The following EPB42 variants were observed in gnomAD, a reference collection of about 807,000 sequenced individuals.
EPB42 encodes erythrocyte membrane protein band 4.2, also known as protein 4.2.
EPB42 carries 49 observed loss-of-function variants against 76.9 expected under a neutral mutation model. The observed-to-expected ratio is 0.64, with a 90% CI of 0.51 to 0.81. The LOEUF is 0.81. EPB42 is among the 30% of genes least tolerant of loss of function. The pLI is 0.00. For synonymous variants in EPB42, 310 were observed against 338.4 expected (o/e 0.92, Z 0.92); for missense variants, 731 against 867.6 (o/e 0.84, Z 1.98).
In EPB42 at chr15:43,197,372, T is replaced by C. The variant is rs2042054417; in HGVS notation, c.2006A>G (p.Asp669Gly). 1.2e-6 allele frequency: 2 copies of C among 1,614,196 alleles called. No individual in the cohort carries two copies. The highest frequency in any genetic ancestry group is 8.5e-7 in the Non-Finnish European group (1 of 1,180,038). ...GGTTAGGTTCTGGAACATGTTGCAG[T>C]CCACTTCCACAGTGAGTCTCTGGAG... ...VGLQRLTVEV[D>G]CNMFQNLTNY... The change falls in exon 13 of 13, where the codon GAC becomes GGC. Residue 669 changes from aspartate (D) to glycine (G), a missense_variant. By Grantham distance (94) the Asp-to-Gly change is moderately conservative. Transcript: ENST00000441366.
At chr15:43,220,535 A>T (rs574236333) in intron 1 of EPB42, among the ~76,000 whole-genome samples, 1 of 151,954 alleles carries the variant, frequency 6.6e-6, no homozygotes, top group Admixed American at 6.5e-5. Flanking sequence ...GCTACCCCAT[A>T]ACCACCCCAC....
intron 1 of EPB42, 104 bp from the exon 2 acceptor site, chr15:43,216,557 C>T (rs2042382504): frequency 7.7e-7 from 1 of 1,306,168 alleles, no homozygotes; most frequent in Non-Finnish European, 1.1e-6. Flanking sequence ...ATCCTCGGCT[C>T]CACTTACGTT....
chr15:43,215,327 T>C lies in EPB42; in HGVS notation c.198A>G (p.Gly66=), dbSNP rs1189588142. 8 of 1,614,196 alleles carry C rather than the reference T, an allele frequency of 5.0e-6. No individual in the cohort carries two copies. The South Asian group carries it at 8.8e-5, about 18-fold the overall frequency. The change falls in exon 3 of 13, where the codon GGA becomes GGG. Residue 66 remains glycine (G), a splice_region_variant and synonymous_variant. Transcript: ENST00000441366. ...LKKVALTAQT[G]EQPSKINRTQ... is the part of the protein sequence containing the mutation. ...TCCTGTTGATCTTGGAAGGCTGCTC[T>C]CCTGTAGTCACACGGTGATTAGTCT...
At chr15:43,203,868 C>A (rs1010267213) in intron 10 of EPB42, among the ~76,000 whole-genome samples, 1 of 152,134 alleles carries the variant, frequency 6.6e-6, no homozygotes, top group African/African-American at 2.4e-5. Flanking sequence ...TGAGGGCTAA[C>A]AAGATGATGC....
chr15:43,208,505 G>A (rs559069056), intron 7 of EPB42, 132 bp downstream of exon 7: 35 of 1,482,338 alleles, frequency 2.4e-5, no homozygotes, highest in Admixed American at 3.3e-5. Context: ...GACCATCAGC[G>A]CCGCCTCTAA....
chr15:43,204,909 T>C (rs2042176585), intron 10 of EPB42, among the ~76,000 whole-genome samples: 1 of 150,234 alleles, frequency 6.7e-6, no homozygotes, highest in South Asian at 2.1e-4. Context: ...TTTTAAAAGT[T>C]CCCCAGATGA....
At chr15:43,224,725 T>C (rs1008917774), upstream of EPB42, among the ~76,000 whole-genome samples, 5 of 152,220 alleles carry the variant, frequency 3.3e-5, no homozygotes, top group Non-Finnish European at 7.3e-5. Context: ...TGAAAAAGAA[T>C]GAAGTAGCTC....
chr15:43,214,466 C>A (rs892177911), intron 3 of EPB42, among the ~76,000 whole-genome samples: 3 of 152,102 alleles, frequency 2.0e-5, no homozygotes, highest in Non-Finnish European at 4.4e-5. Flanking sequence ...TCTGCAAGAA[C>A]AGAATGAGCC....
Position 43,197,459 on chromosome 15 carries a change from C to T in EPB42, c.1919G>A (p.Arg640His), listed in dbSNP as rs1287191197. The change falls in exon 13 of 13, where the codon CGT becomes CAT. Residue 640 changes from arginine (R) to histidine (H), a missense_variant. Transcript: ENST00000441366. Reference protein sequence around the residue: ...LIHRERSYRFRSVWPENTMCA... With the variant: ...LIHRERSYRFHSVWPENTMCA... ...CATGGTGTTTTCAGGCCACACTGAACGGAATCTGAAATAAAGGAAAAGGCA... is the reference window on the plus strand; with the variant it reads ...CATGGTGTTTTCAGGCCACACTGAATGGAATCTGAAATAAAGGAAAAGGCA... 27 of 1,613,994 alleles carry T rather than the reference C, an allele frequency of 1.7e-5. No individual in the cohort carries two copies. The highest frequency in any genetic ancestry group is 1.3e-4 in the East Asian group (6 of 44,902).
In EPB42 at chr15:43,216,327, C is replaced by T. The variant is rs202154600; in HGVS notation, c.137G>A (p.Arg46His). The T allele has an allele frequency of 5.1e-5, 82 of 1,614,008 alleles. No homozygotes were observed. The highest frequency in any genetic ancestry group is 4.0e-5 in the African/African-American group (3 of 74,898). Residue 46 changes from arginine to histidine, a missense_variant, in exon 2 of 13, where the codon CGC becomes CAC. Arg to His is a conservative substitution (Grantham distance 29). Transcript: ENST00000441366. ...GQPFTIILYF[R>H]APVRAFLPAL... ...AGGCAGAAATGCACGGACTGGAGCG[C>T]GGAAGTACAGGATGATGGTGAAGGG...
intron 3 of EPB42, among the ~76,000 whole-genome samples, chr15:43,212,758 G>T (rs1265018029): frequency 2.6e-5 from 4 of 152,184 alleles, no homozygotes; most frequent in Non-Finnish European, 5.9e-5. Context: ...ATCATGAGGA[G>T]GGTGGGCGAC....
At chr15:43,202,291 C>T (rs1049370972) in intron 11 of EPB42, among the ~76,000 whole-genome samples, 5 of 152,160 alleles carry the variant, frequency 3.3e-5, no homozygotes, top group African/African-American at 1.2e-4. Flanking sequence ...CCTCTCCCAC[C>T]TCACCTGTTC....
rs1162974797 is a variant in EPB42, at chr15:43,201,745, G to A, written c.1913+99C>T. On this transcript the variant is annotated intron_variant, in intron 12 of 12. Transcript: ENST00000441366. ...AGTTTAGTTTCTAGGGGTATCTGCT[G>A]TCTGCATGGACATGGCAAAGAGAGA... is the stretch of plus-strand genomic sequence containing the variant. The A allele has an allele frequency of 2.6e-6, 4 of 1,561,504 alleles. No homozygotes were observed. The African/African-American group carries it at 4.1e-5, about 16-fold the overall frequency.
At chr15:43,215,028 G>T in intron 3 of EPB42, 67 bp downstream of exon 3, 1 of 1,408,092 alleles carries the variant, frequency 7.1e-7, no homozygotes, top group East Asian at 2.4e-5. Context: ...CTCCCTGCCA[G>T]AGCTGCACCC....
At position 43,213,150 on chromosome 15, in the gene EPB42, C is replaced by T. The variant is rs553729978; in HGVS notation, c.431-1616G>A. ...TTATTTTTTATTTTTTTGGAAATTA[C>T]TTCAAACTGAGGTGTTTGGCCCCAG... On this transcript the variant is annotated intron_variant, in intron 3 of 12. Coordinates refer to ENST00000441366, the MANE Select transcript of EPB42 (RefSeq NM_001114134.2). 7.2e-5 allele frequency among the ~76,000 whole-genome samples: 11 copies of T among 152,196 alleles called. No homozygotes were observed. In the East Asian group the frequency reaches 1.7e-3, roughly 24 times the overall value.
upstream of EPB42, among the ~76,000 whole-genome samples, chr15:43,224,439 C>A (rs1256271909): frequency 6.6e-6 from 1 of 152,054 alleles, no homozygotes; most frequent in Non-Finnish European, 1.5e-5. Context: ...ATACTTTTTG[C>A]TGCTCTGCCT....
At chr15:43,221,153 A>G (rs577731964), upstream of EPB42, 2 of 396,742 alleles carry the variant, frequency 5.0e-6, no homozygotes, top group Non-Finnish European at 9.6e-6. Flanking sequence ...AAGACCTGCC[A>G]ACTAGAGAAG....
At chr15:43,203,795 T>C (rs1057278039) in intron 10 of EPB42, among the ~76,000 whole-genome samples, 5 of 152,138 alleles carry the variant, frequency 3.3e-5, no homozygotes, top group African/African-American at 7.2e-5. Flanking sequence ...CGACCCTCTC[T>C]GTGTCTCATC....
intron 1 of EPB42, 169 bp downstream of exon 1, chr15:43,220,647 A>ACCCCCCCCCCCCCCC: frequency 1.3e-6 from 1 of 756,676 alleles, no homozygotes; most frequent in East Asian, 4.6e-5. Context: ...CCCACCTACC[A>ACCCCCCCCCCCCCCC]CACCCCCCCC....
Sources: gnomAD v4.1 joint callset for allele counts (sites outside exome capture counted in the v4.1 genomes callset) on GRCh38, gnomAD v4.1.1 for gene constraint, MANE v1.5 for transcripts, NCBI Gene and HGNC (gene_info 2026-07-23, HGNC 2026-07-21) for gene names.